CDIN1: variants seen among roughly 807,000 people sequenced by gnomAD.
CDIN1 encodes the protein CDAN1 interacting nuclease 1.
Under a neutral mutation model 45.3 loss-of-function variants are expected in CDIN1, and 33 were observed. The observed-to-expected ratio is 0.73, with a 90% confidence interval of 0.55 to 0.97. CDIN1 has a LOEUF of 0.97. CDIN1 is among the 50% of genes least tolerant of loss of function. CDIN1 has a pLI of 0.00. For synonymous variants in CDIN1, 118 were observed against 124.4 expected (o/e 0.95, Z 0.34); for missense variants, 303 against 339.4 (o/e 0.89, Z 0.84).
intron 10 of CDIN1, among the ~76,000 whole-genome samples, chr15:36,756,516 G>A (rs749024877): frequency 4.9e-4 from 75 of 152,118 alleles, no homozygotes; most frequent in Non-Finnish European, 9.8e-4. Flanking sequence ...AAGTTTCCTT[G>A]TGGTGATGAG....
chr15:36,704,257 G>C (rs972390598), intron 8 of CDIN1: 5 of 152,054 alleles, frequency 3.3e-5, no homozygotes, highest in African/African-American at 1.2e-4. Context: ...CAAAGGACAA[G>C]GTCAGAGCAG....
At chr15:36,686,068 C>T (rs1263006693) in intron 5 of CDIN1, among the ~76,000 whole-genome samples, 5 of 151,808 alleles carry the variant, frequency 3.3e-5, no homozygotes, top group Admixed American at 3.3e-4. Flanking sequence ...GGGTATATAC[C>T]CAAATGACTA....
chr15:36,699,441 A>C (rs1024938711), intron 8 of CDIN1, among the ~76,000 whole-genome samples: 1 of 152,170 alleles, frequency 6.6e-6, no homozygotes, highest in Non-Finnish European at 1.5e-5. Flanking sequence ...TCTTGTTTAC[A>C]TGTGTACACC....
At chr15:36,645,637 A>G (rs945322675) in intron 3 of CDIN1, among the ~76,000 whole-genome samples, 1 of 152,102 alleles carries the variant, frequency 6.6e-6, no homozygotes, top group Admixed American at 6.5e-5. Flanking sequence ...TCATATATAC[A>G]TATATCTACA....
At chr15:36,681,108 A>G (rs971586260) in intron 5 of CDIN1, among the ~76,000 whole-genome samples, 6 of 152,178 alleles carry the variant, frequency 3.9e-5, no homozygotes, top group Non-Finnish European at 5.9e-5. Context: ...ACTATAAGAC[A>G]AAGTATATAA....
chr15:36,657,440 A>G (rs1334632227), intron 4 of CDIN1, among the ~76,000 whole-genome samples: 2 of 152,150 alleles, frequency 1.3e-5, no homozygotes, highest in Admixed American at 6.5e-5. Flanking sequence ...ATTATTTGAA[A>G]TTGCATTCAG....
At chr15:36,580,529 C>T (rs1421794543) in intron 1 of CDIN1, among the ~76,000 whole-genome samples, 3 of 152,236 alleles carry the variant, frequency 2.0e-5, no homozygotes, top group Non-Finnish European at 4.4e-5. Context: ...ACAACCAGAT[C>T]TAAAGTTTCT....
At chr15:36,805,440 G>T (rs575864296) in intron 10 of CDIN1, among the ~76,000 whole-genome samples, 1 of 152,092 alleles carries the variant, frequency 6.6e-6, no homozygotes, top group East Asian at 1.9e-4. Flanking sequence ...ATTTTTATTG[G>T]TCACAAAGGT....
chr15:36,692,034 G>GC, intron 6 of CDIN1, 92 bp from the exon 7 acceptor site: 4 of 1,013,918 alleles, frequency 3.9e-6, no homozygotes, highest in Non-Finnish European at 5.4e-6. Flanking sequence ...GGGGGTGGGG[G>GC]AAGAAAAGTA....
intron 1 of CDIN1, among the ~76,000 whole-genome samples, chr15:36,609,631 T>C (rs536732025): frequency 6.6e-6 from 1 of 152,316 alleles, no homozygotes; most frequent in South Asian, 2.1e-4. Flanking sequence ...TTATGAAATG[T>C]ATTTCTTTAG....
chr15:36,631,128 A>G (rs1008623533), intron 1 of CDIN1, among the ~76,000 whole-genome samples: 4 of 152,218 alleles, frequency 2.6e-5, no homozygotes, highest in Admixed American at 6.5e-5. Flanking sequence ...ATGATACATA[A>G]CCTGGAAAAA....
chr15:36,679,435 A>G (rs2041771977), intron 5 of CDIN1, among the ~76,000 whole-genome samples: 1 of 152,162 alleles, frequency 6.6e-6, no homozygotes, highest in Admixed American at 6.5e-5. Context: ...ACAAACAAGG[A>G]TACTGAGAGG....
chr15:36,682,378 T>G (rs377099023), intron 5 of CDIN1, among the ~76,000 whole-genome samples: 19 of 152,134 alleles, frequency 1.2e-4, no homozygotes, highest in African/African-American at 4.1e-4. Context: ...GGTCCTTCAA[T>G]GGATTGCATA....
intron 5 of CDIN1, among the ~76,000 whole-genome samples, chr15:36,664,587 G>GC (rs1347559509): frequency 1.3e-5 from 2 of 151,036 alleles, no homozygotes; most frequent in East Asian, 2.0e-4. Context: ...TCGCTCTGTC[G>GC]CCAGGCTGGA....
chr15:36,768,187 T>G (rs1358128362), intron 10 of CDIN1, among the ~76,000 whole-genome samples: 1 of 152,202 alleles, frequency 6.6e-6, no homozygotes, highest in East Asian at 1.9e-4. Flanking sequence ...GATGTAATCT[T>G]TAAACCCTGT....
At chr15:36,603,633 G>C (rs765610048) in intron 1 of CDIN1, among the ~76,000 whole-genome samples, 1 of 151,954 alleles carries the variant, frequency 6.6e-6, no homozygotes, top group Non-Finnish European at 1.5e-5. Context: ...GTTTCTTTCT[G>C]TATCATATAA....
rs1333592669 is a variant in CDIN1, at chr15:36,617,937, A to T, written c.102-26341A>T. On this transcript the variant is annotated intron_variant, in intron 1 of 10. Coordinates refer to ENST00000566621, the MANE Select transcript of CDIN1 (RefSeq NM_001321759.2). ...ACATTTTTTGCTAAGAATTGTTACT[A>T]ATTAATGGATTCTAGTATCTATAGT... is the stretch of plus-strand genomic sequence containing the variant. The T allele has an allele frequency of 7.8e-6, 6 of 764,470 alleles. No homozygotes were observed. In the African/African-American group the frequency reaches 8.5e-5, roughly 11 times the overall value. 47.4% of individuals were successfully genotyped at this position (764,470 alleles called of 1,614,324 possible).
chr15:36,584,404 C>T (rs115470484), intron 1 of CDIN1, among the ~76,000 whole-genome samples: 3,729 of 152,178 alleles, frequency 0.025, 50 homozygotes, highest in South Asian at 0.046. Context: ...CACTGCAGTC[C>T]AGCCTGAGCC....
intron 7 of CDIN1, among the ~76,000 whole-genome samples, chr15:36,693,807 G>A (rs549695033): frequency 6.6e-6 from 1 of 152,148 alleles, no homozygotes; most frequent in East Asian, 1.9e-4. Flanking sequence ...TCAATAATAG[G>A]TATTATTATA....
Sources: allele counts gnomAD v4.1 joint callset (sites outside exome capture counted in the v4.1 genomes callset), GRCh38; gene constraint gnomAD v4.1.1; transcripts MANE v1.5; gene names NCBI Gene and HGNC (gene_info 2026-07-23, HGNC 2026-07-21).